EBF1: variants seen among roughly 807,000 people sequenced by gnomAD.
EBF1 encodes transcription factor COE1.
A neutral mutation model predicts 68.4 loss-of-function variants in EBF1; 10 were observed. The observed-to-expected ratio is 0.15, with a 90% confidence interval of 0.09 to 0.25. The LOEUF (loss-of-function observed/expected upper bound fraction) is 0.25, where lower values mean the gene tolerates loss of function less well. EBF1 is among the 10% of genes least tolerant of loss of function. EBF1 has a pLI of 1.00. For synonymous variants in EBF1, 298 were observed against 299.8 expected (o/e 0.99, Z 0.06); for missense variants, 509 against 794.4 (o/e 0.64, Z 4.32).
chr5:158,824,285 G>C (rs1037160703), intron 7 of EBF1, among the ~76,000 whole-genome samples: 1 of 152,146 alleles, frequency 6.6e-6, no homozygotes, highest in Non-Finnish European at 1.5e-5. Flanking sequence ...AATTAACTTT[G>C]CTCGACAGTT....
intron 6 of EBF1, among the ~76,000 whole-genome samples, chr5:158,849,856 C>T (rs1792280168): frequency 6.6e-6 from 1 of 152,126 alleles, no homozygotes; most frequent in African/African-American, 2.4e-5. Flanking sequence ...GGGATGTTGG[C>T]CCCATTCTAC....
intron 6 of EBF1, among the ~76,000 whole-genome samples, chr5:159,042,375 G>C (rs1274710279): frequency 6.6e-6 from 1 of 152,168 alleles, no homozygotes; most frequent in Non-Finnish European, 1.5e-5. Flanking sequence ...GCCCATCAAA[G>C]GCAAAGCCTG....
Position 158,713,130 on chromosome 5 carries a change from T to C in EBF1, c.1209A>G (p.Arg403=). Residue 403 remains arginine (R), a synonymous_variant, in exon 13 of 16, where the codon AGA becomes AGG. Coordinates refer to ENST00000313708, the MANE Select transcript of EBF1 (RefSeq NM_024007.5). ...ACAGGGCCTCGGCAATGTCGGCCGCTCTCTTCAGAATGATTTCCTGAAAAG... is the reference window on the plus strand; with the variant it reads ...ACAGGGCCTCGGCAATGTCGGCCGCCCTCTTCAGAATGATTTCCTGAAAAG... ...PHNNQEIILK[R]AADIAEALYS... is the part of the protein sequence containing the mutation. The C allele has an allele frequency of 1.3e-6, 2 of 1,512,034 alleles. No homozygotes were observed. The highest frequency in any genetic ancestry group is 1.3e-5 in the South Asian group (1 of 74,708). The allele number at this position is 1,512,034 out of a possible 1,614,324, so 93.7% of individuals were successfully genotyped here. A position where few individuals can be genotyped will look rare whatever the true frequency, so the allele number is the denominator to read the frequency against.
rs189964957 is a variant in EBF1 at position 158,724,536 on chromosome 5, A to G, written c.1125+6533T>C. Among the ~76,000 whole-genome samples, 232 of 152,362 alleles carry G rather than the reference A, an allele frequency of 1.5e-3. 2 individuals carry two copies. Among genetic ancestry groups the G allele is most frequent in the African/African-American group, 5.3e-3 (221 of 41,594 alleles). On this transcript the variant is annotated intron_variant, in intron 11 of 15. Transcript: ENST00000313708. ...TAGTCTTTGCATAAAGACTAAAACA[A>G]TAAAAGCATAATTAGAATACATTGT...
At chr5:158,868,641 TCACACGTCACACAGC>T (rs1351341743) in intron 6 of EBF1, among the ~76,000 whole-genome samples, 3 of 152,034 alleles carry the variant, frequency 2.0e-5, no homozygotes, top group Non-Finnish European at 4.4e-5. Context: ...CGGTCTGGAG[TCACACGTCACACAGC>T]CACACATGGT....
intron 6 of EBF1, among the ~76,000 whole-genome samples, chr5:158,844,040 CA>C (rs1424884197): frequency 6.6e-6 from 1 of 152,018 alleles, no homozygotes; most frequent in East Asian, 1.9e-4. Flanking sequence ...AAAGTGTTGT[CA>C]GGAGAAAAAG....
At chr5:159,094,000 C>CT (rs35491355) in intron 4 of EBF1, among the ~76,000 whole-genome samples, 26,800 of 130,040 alleles carry the variant, frequency 0.21, 3,348 homozygotes, top group East Asian at 0.42. Context: ...TCCCTCCCAA[C>CT]TTTTTTTTTT....
At chr5:159,014,861 C>T (rs1765357114) in intron 6 of EBF1, among the ~76,000 whole-genome samples, 1 of 152,126 alleles carries the variant, frequency 6.6e-6, no homozygotes. Context: ...GCTACAGCTC[C>T]ATCTTGGAGA....
chr5:158,779,155 C>T (rs772876891), intron 9 of EBF1, among the ~76,000 whole-genome samples: 2 of 152,080 alleles, frequency 1.3e-5, no homozygotes. Flanking sequence ...TGTAGAGTAC[C>T]CAGGAGGTAT....
intron 6 of EBF1, among the ~76,000 whole-genome samples, chr5:158,876,398 A>G (rs972522265): frequency 1.3e-5 from 2 of 152,172 alleles, no homozygotes; most frequent in African/African-American, 4.8e-5. Context: ...AGGAAGTTAC[A>G]TCAGAATTCT....
At chr5:159,085,838 A>T (rs960048721) in intron 4 of EBF1, among the ~76,000 whole-genome samples, 3 of 152,126 alleles carry the variant, frequency 2.0e-5, no homozygotes, top group African/African-American at 7.2e-5. Flanking sequence ...GTTGACTCTA[A>T]CGTGCTTTGT....
chr5:158,891,085 G>A (rs1026741456), intron 6 of EBF1, among the ~76,000 whole-genome samples: 16 of 152,216 alleles, frequency 1.1e-4, no homozygotes, highest in African/African-American at 3.9e-4. Flanking sequence ...CCTGAAGTGA[G>A]GAGGTATTGA....
At chr5:158,830,624 T>C (rs191780452) in intron 7 of EBF1, among the ~76,000 whole-genome samples, 1 of 103,586 alleles carries the variant, frequency 9.7e-6, no homozygotes, top group Non-Finnish European at 2.3e-5. Context: ...ACTCTCCTAA[T>C]ACTTCCAGTA....
intron 6 of EBF1, among the ~76,000 whole-genome samples, chr5:158,953,715 AT>A (rs1261057072): frequency 6.6e-6 from 1 of 152,082 alleles, no homozygotes; most frequent in Non-Finnish European, 1.5e-5. Flanking sequence ...AGCTTGAGAG[AT>A]TTGTAAGGGT....
At chr5:158,847,943 G>A (rs541349458) in intron 6 of EBF1, among the ~76,000 whole-genome samples, 1 of 152,264 alleles carries the variant, frequency 6.6e-6, no homozygotes, top group Non-Finnish European at 1.5e-5. Flanking sequence ...GGATGCACAG[G>A]CAGGTGGCAA....
chr5:158,803,948 GTC>G (rs1223771940), intron 8 of EBF1, among the ~76,000 whole-genome samples: 8 of 114,486 alleles, frequency 7.0e-5, no homozygotes, highest in Non-Finnish European at 9.5e-5. Context: ...TCGTGTGTGT[GTC>G]TGTGTGTGTG....
chr5:158,826,435 G>A (rs60172775), intron 7 of EBF1, among the ~76,000 whole-genome samples: 3 of 152,182 alleles, frequency 2.0e-5, no homozygotes, highest in South Asian at 2.1e-4. Flanking sequence ...CATTGGACAC[G>A]GTGAACAGGG....
chr5:158,947,609 G>A (rs911841275), intron 6 of EBF1, among the ~76,000 whole-genome samples: 3 of 152,222 alleles, frequency 2.0e-5, no homozygotes, highest in African/African-American at 7.2e-5. Context: ...GTCTCACTGG[G>A]AGCTGCAGAC....
At chr5:158,974,178 G>A (rs933644515) in intron 6 of EBF1, among the ~76,000 whole-genome samples, 7 of 152,174 alleles carry the variant, frequency 4.6e-5, no homozygotes, top group African/African-American at 1.7e-4. Context: ...GCCCTATTCA[G>A]ACTGATTTCT....
Sources: gnomAD v4.1 joint callset for allele counts (sites outside exome capture counted in the v4.1 genomes callset) on GRCh38, gnomAD v4.1.1 for gene constraint, MANE v1.5 for transcripts, NCBI Gene and HGNC (gene_info 2026-07-23, HGNC 2026-07-21) for gene names.